ZNF205: variants seen among roughly 807,000 people sequenced by gnomAD.
ZNF205 encodes zinc finger protein 205, also known as transcriptional repressor RHIT.
ZNF205 carries 32 observed loss-of-function variants against 53.6 expected under a neutral mutation model. That is an observed-to-expected ratio of 0.60 (90% CI 0.45 to 0.80). ZNF205 has a LOEUF of 0.80. Ranked by LOEUF, ZNF205 falls within the 30% of genes least tolerant of loss-of-function variation. The pLI is 0.00. For missense variants in ZNF205, 836 were observed against 782.4 expected (o/e 1.07, Z -0.82); for synonymous variants, 382 against 334.3 (o/e 1.14, Z -1.56).
chr16:3,115,351 C>G lies in ZNF205; in HGVS notation c.58-4C>G, dbSNP rs1279557676. ...CTGGGTGCTGATGGGGCTGTCCTTT[C>G]TAGGTTCCAGATCGTGGACATCCTC... On this transcript the variant is annotated splice_region_variant and splice_polypyrimidine_tract_variant and intron_variant, in intron 2 of 6. Coordinates refer to ENST00000219091, the MANE Select transcript of ZNF205 (RefSeq NM_001042428.2). 1.3e-6 allele frequency: 2 copies of G among 1,583,410 alleles called. 1 individual carries two copies. The highest frequency in any genetic ancestry group is 3.6e-5 in the Admixed American group (2 of 56,028).
rs1455734437 is a variant in ZNF205, at chr16:3,119,396, G to C, written c.736G>C (p.Gly246Arg). Residue 246 changes from glycine (G) to arginine (R), a missense_variant, in exon 7 of 7, where the codon GGG (glycine) becomes CGG (arginine). Coordinates refer to ENST00000219091, the MANE Select transcript of ZNF205 (RefSeq NM_001042428.2). ...AQEAACGRSS[G>R]PAKDSGQPAE... ...GGAAGCAGCCTGCGGCCGGAGCTCA[G>C]GGCCGGCCAAAGACTCCGGGCAGCC... 2 of 1,610,540 alleles carry C rather than the reference G, an allele frequency of 1.2e-6. No individual in the cohort carries two copies. The highest frequency in any genetic ancestry group is 1.7e-5 in the Admixed American group (1 of 59,778).
chr16:3,114,627 T>A (rs1459547159), intron 2 of ZNF205, among the ~76,000 whole-genome samples: 1 of 152,188 alleles, frequency 6.6e-6, no homozygotes, highest in African/African-American at 2.4e-5. Flanking sequence ...TCCCCAGCCA[T>A]GGTGTGTTAG....
Position 3,115,541 on chromosome 16 carries a change from G to A in ZNF205, c.244G>A (p.Glu82Lys). 6.3e-7 allele frequency: 1 copy of A among 1,596,018 alleles called. No individual in the cohort carries two copies. The highest frequency in any genetic ancestry group is 1.4e-5 in the African/African-American group (1 of 73,826). ...GWAPLSHGSK[E>K]KALFLPGGAL... ...GGCACCCCTAAGTCACGGCTCTAAG[G>A]AGAAAGCTCTCTTCCTGCCTGGCGG... The change falls in exon 3 of 7, where the codon GAG becomes AAG. Residue 82 changes from glutamate to lysine, a missense_variant. Coordinates refer to ENST00000219091, the MANE Select transcript of ZNF205 (RefSeq NM_001042428.2).
intron 5 of ZNF205, among the ~76,000 whole-genome samples, chr16:3,117,442 C>CTTT (rs139893783): frequency 0.31 from 22,774 of 72,836 alleles, 6,595 homozygotes; most frequent in East Asian, 0.4. Context: ...AGTCCCAGAG[C>CTTT]TTTTTTTTTT....
chr16:3,119,248 T>G lies in ZNF205; in HGVS notation c.596-8T>G. 1 of 1,565,934 alleles carries G rather than the reference T, an allele frequency of 6.4e-7. No individual in the cohort carries two copies. The highest frequency in any genetic ancestry group is 8.7e-7 in the Non-Finnish European group (1 of 1,154,196). ...CGTCCCTAGCTGGAAACGACTTTCT[T>G]TTTCCAGGAGCCGTCGAGGTGGGGC... On this transcript the variant is annotated splice_polypyrimidine_tract_variant and splice_region_variant and intron_variant, in intron 6 of 6. Transcript: ENST00000219091.
chr16:3,118,456 G>C (rs1051713792), intron 5 of ZNF205, among the ~76,000 whole-genome samples: 3 of 152,212 alleles, frequency 2.0e-5, no homozygotes, highest in Non-Finnish European at 2.9e-5. Flanking sequence ...GTGGAAGCCA[G>C]GGCCCCCTCT....
At chr16:3,113,698 G>A (rs536783417) in intron 2 of ZNF205, among the ~76,000 whole-genome samples, 37 of 152,312 alleles carry the variant, frequency 2.4e-4, no homozygotes, top group African/African-American at 8.7e-4. Context: ...AGTGGCCACA[G>A]GAGATGGAAG....
chr16:3,114,632 T>C (rs1957314639), intron 2 of ZNF205, among the ~76,000 whole-genome samples: 1 of 152,192 alleles, frequency 6.6e-6, no homozygotes, highest in African/African-American at 2.4e-5. Flanking sequence ...AGCCATGGTG[T>C]GTTAGTCTCC....
rs566062908 is a variant in ZNF205, at chr16:3,119,683, C to G, written c.1023C>G (p.Cys341Trp). The G allele has an allele frequency of 6.2e-7, 1 of 1,613,360 alleles. No homozygotes were observed. Among genetic ancestry groups the G allele is most frequent in the East Asian group, 2.2e-5 (1 of 44,862 alleles). Residue 341 changes from cysteine to tryptophan, a missense_variant, in exon 7 of 7, where the codon TGC (cysteine) becomes TGG (tryptophan). By Grantham distance (215) the Cys-to-Trp change is radical. Transcript: ENST00000219091. ...AGAAGCCCTACGCCTGCACTGACTG[C>G]GGGAAGCGCTTCGGCCGCAGCTCGC... ...TGEKPYACTD[C>W]GKRFGRSSHL...
chr16:3,116,703 CT>C (rs747120707), intron 5 of ZNF205, among the ~76,000 whole-genome samples, 156 bp downstream of exon 5: 5 of 152,282 alleles, frequency 3.3e-5, no homozygotes, highest in Non-Finnish European at 7.3e-5. Flanking sequence ...TGGAAATGTT[CT>C]GTGTGTGCTA....
In ZNF205 at chr16:3,119,529, C is replaced by T. The variant is rs776614155; in HGVS notation, c.869C>T (p.Pro290Leu). 5.6e-6 allele frequency: 9 copies of T among 1,604,038 alleles called. No individual in the cohort carries two copies. The highest frequency in any genetic ancestry group is 2.7e-5 in the African/African-American group (2 of 74,770). ...EKPNEEEKGAPESGEEGLAPD... is the reference protein window; with the variant it reads ...EKPNEEEKGALESGEEGLAPD... ...CCCAACGAGGAGGAGAAGGGCGCCC[C>T]GGAGAGTGGCGAGGAGGGCCTGGCC... Residue 290 changes from proline to leucine, a missense_variant, in exon 7 of 7, where the codon CCG becomes CTG. Physicochemically the swap from Pro to Leu is moderately conservative, Grantham distance 98 (BLOSUM62 -3). Transcript: ENST00000219091.
rs768905580 is a variant in ZNF205, at chr16:3,118,997, T to A, written c.577T>A (p.Trp193Arg). 2 of 1,611,458 alleles carry A rather than the reference T, an allele frequency of 1.2e-6. No individual in the cohort carries two copies. Among genetic ancestry groups the A allele is most frequent in the Admixed American group, 1.7e-5 (1 of 59,852 alleles). The change falls in exon 6 of 7, where the codon TGG (tryptophan) becomes AGG (arginine). Residue 193 changes from tryptophan (W) to arginine (R), a missense_variant. Trp to Arg is a moderately radical substitution (Grantham distance 101). Transcript: ENST00000219091. ...SSRQAGDEKE[W>R]RGACTGAVEV... Reference sequence around the variant, plus strand: ...CCGGCAGGCAGGAGATGAGAAGGAGTGGAGAGGCGCGTGCACAGGTGAGGG... The same window carrying A: ...CCGGCAGGCAGGAGATGAGAAGGAGAGGAGAGGCGCGTGCACAGGTGAGGG...
chr16:3,116,001 C>T (rs952781425), intron 4 of ZNF205, 81 bp downstream of exon 4: 7 of 1,425,498 alleles, frequency 4.9e-6, no homozygotes, highest in South Asian at 2.5e-5. Flanking sequence ...CAGGACCCCG[C>T]TGGCCCCACT....
chr16:3,115,335 G>A lies in ZNF205; in HGVS notation c.58-20G>A, dbSNP rs1156759507. 1 of 1,548,918 alleles carries A rather than the reference G, an allele frequency of 6.5e-7. No individual in the cohort carries two copies. Among genetic ancestry groups the A allele is most frequent in the African/African-American group, 1.4e-5 (1 of 72,188 alleles). On this transcript the variant is annotated intron_variant, in intron 2 of 6. Coordinates refer to ENST00000219091, the MANE Select transcript of ZNF205 (RefSeq NM_001042428.2). The stretch of plus-strand genomic sequence containing the variant: ...TGTCTCTCCCACTCATCTGGGTGCT[G>A]ATGGGGCTGTCCTTTCTAGGTTCCA...
chr16:3,118,980 C>A lies in ZNF205; in HGVS notation c.560C>A (p.Ala187Glu), dbSNP rs753732408. ...KGEASGSSRQ[A>E]GDEKEWRGAC... The stretch of plus-strand genomic sequence containing the variant: ...GAGGCCTCGGGCTCCAGCCGGCAGG[C>A]AGGAGATGAGAAGGAGTGGAGAGGC... The change falls in exon 6 of 7, where the codon GCA becomes GAA. Residue 187 changes from alanine (A) to glutamate (E), a missense_variant. Ala to Glu is a moderately radical substitution (Grantham distance 107). Coordinates refer to ENST00000219091, the MANE Select transcript of ZNF205 (RefSeq NM_001042428.2). The A allele has an allele frequency of 1.2e-6, 2 of 1,613,676 alleles. No homozygotes were observed. Among genetic ancestry groups the A allele is most frequent in the Non-Finnish European group, 1.7e-6 (2 of 1,179,964 alleles).
At chr16:3,118,034 T>TTTTG (rs1369449841) in intron 5 of ZNF205, among the ~76,000 whole-genome samples, 2 of 145,338 alleles carry the variant, frequency 1.4e-5, no homozygotes, top group Non-Finnish European at 3.0e-5. Flanking sequence ...TTTTTTTTTT[T>TTTTG]TGTATTTTTA....
chr16:3,116,001 C>A, intron 4 of ZNF205, 81 bp downstream of exon 4: 1 of 1,425,606 alleles, frequency 7.0e-7, no homozygotes. Context: ...CAGGACCCCG[C>A]TGGCCCCACT....
rs139893783 is a variant in ZNF205, at chr16:3,117,442, CTTTTT to C, written c.484+915_484+919del. On this transcript the variant is annotated intron_variant, in intron 5 of 6. Coordinates refer to ENST00000219091, the MANE Select transcript of ZNF205 (RefSeq NM_001042428.2). ...GATGTTAAGTATTTAAGTCCCAGAG[CTTTTT>C]TTTTTTTTTTTTTTTTTTTGAAACA... is the stretch of plus-strand genomic sequence containing the variant. Among the ~76,000 whole-genome samples, 183 of 73,186 alleles carry C rather than the reference CTTTTT, an allele frequency of 2.5e-3. 1 individual carries two copies. In the East Asian group the frequency reaches 0.026, roughly 11 times the overall value. 48.0% of individuals were successfully genotyped at this position (73,186 alleles called of 152,430 possible).
Position 3,115,901 on chromosome 16 carries a change from T to C in ZNF205, c.344T>C (p.Leu115Pro). 1 of 1,613,840 alleles carries C rather than the reference T, an allele frequency of 6.2e-7. No individual in the cohort carries two copies. Among genetic ancestry groups the C allele is most frequent in the Non-Finnish European group, 8.5e-7 (1 of 1,179,962 alleles). The change falls in exon 4 of 7, where the codon CTC (leucine) becomes CCC (proline). Residue 115 changes from leucine (L) to proline (P), a missense_variant. Leu to Pro is a moderately conservative substitution (Grantham distance 98, BLOSUM62 -3). Transcript: ENST00000219091. ...AGAGACCGGCAGATGGCTGCAGCGC[T>C]CCTCACTGCCTGGTCCCAGGTGAGT... ...RTRDRQMAAA[L>P]LTAWSQMPVT...
Sources: gnomAD v4.1 joint callset for allele counts (sites outside exome capture counted in the v4.1 genomes callset) on GRCh38, gnomAD v4.1.1 for gene constraint, MANE v1.5 for transcripts, NCBI Gene and HGNC (gene_info 2026-07-23, HGNC 2026-07-21) for gene names.